The following CACNG6 variants were observed in gnomAD, a reference collection of about 807,000 sequenced individuals.
The protein encoded by CACNG6 is voltage-dependent calcium channel gamma-6 subunit.
A neutral mutation model predicts 23.9 loss-of-function variants in CACNG6; 21 were observed. The ratio of observed to expected loss-of-function variants is 0.88; its 90% CI spans 0.62 to 1.26. The LOEUF is 1.26. Ranked by LOEUF, CACNG6 falls within the 50% of genes most tolerant of loss-of-function variation. The pLI, the probability that CACNG6 is intolerant of heterozygous loss-of-function variation, is 0.00. For synonymous variants in CACNG6, 182 were observed against 168.9 expected (o/e 1.08, Z -0.60); for missense variants, 340 against 352.9 (o/e 0.96, Z 0.29).
intron 3 of CACNG6, among the ~76,000 whole-genome samples, chr19:54,010,751 A>T (rs531216423): frequency 0.011 from 1,593 of 146,224 alleles, 18 homozygotes; most frequent in African/African-American, 0.037. Context: ...ATTTTTTAAA[A>T]TTTTTTTTTT....
At chr19:54,011,449 A>AAAAAC (rs1301097550) in intron 3 of CACNG6, among the ~76,000 whole-genome samples, 5 of 135,786 alleles carry the variant, frequency 3.7e-5, no homozygotes, top group South Asian at 4.7e-4. Flanking sequence ...AAAAAAAAAA[A>AAAAAC]AAAACAAAAC....
chr19:53,993,237 C>CT, intron 1 of CACNG6, 29 bp downstream of exon 1: 1 of 1,519,408 alleles, frequency 6.6e-7, no homozygotes, highest in Non-Finnish European at 8.8e-7. Flanking sequence ...GAGCGCAGGG[C>CT]TTGCGTCCCA....
intron 3 of CACNG6, among the ~76,000 whole-genome samples, chr19:54,006,140 C>G (rs1236663252): frequency 1.1e-5 from 1 of 88,334 alleles, no homozygotes; most frequent in African/African-American, 3.2e-5. Flanking sequence ...AGAAAGAAGA[C>G]TCATTTCTAG....
At chr19:54,004,605 G>C (rs2069618715) in intron 3 of CACNG6, among the ~76,000 whole-genome samples, 1 of 152,050 alleles carries the variant, frequency 6.6e-6, no homozygotes, top group Non-Finnish European at 1.5e-5. Flanking sequence ...GAATAACATG[G>C]TGGCAAGGCC....
chr19:54,008,863 G>A (rs1365475620), intron 3 of CACNG6, among the ~76,000 whole-genome samples: 1 of 152,120 alleles, frequency 6.6e-6, no homozygotes, highest in Non-Finnish European at 1.5e-5. Flanking sequence ...TGTTTATTTT[G>A]GACATTGCAA....
intron 3 of CACNG6, among the ~76,000 whole-genome samples, chr19:54,000,923 G>A (rs753185445): frequency 6.2e-4 from 95 of 152,246 alleles, no homozygotes; most frequent in Non-Finnish European, 1.2e-3. Context: ...AGAGAAGTCA[G>A]ATGAATTACT....
At chr19:53,996,399 C>T (rs538753958) in intron 1 of CACNG6, among the ~76,000 whole-genome samples, 14,550 of 146,620 alleles carry the variant, frequency 0.099, 998 homozygotes, top group African/African-American at 0.19. Flanking sequence ...CTCTCTCTCT[C>T]TTTTTTTTTT....
At chr19:53,997,409 C>T (rs2069531225) in intron 1 of CACNG6, among the ~76,000 whole-genome samples, 1 of 151,898 alleles carries the variant, frequency 6.6e-6, no homozygotes, top group Non-Finnish European at 1.5e-5. Context: ...TAAACATCTG[C>T]ATATATATTC....
At chr19:54,003,944 A>G (rs2069606887) in intron 3 of CACNG6, among the ~76,000 whole-genome samples, 1 of 151,950 alleles carries the variant, frequency 6.6e-6, no homozygotes, top group Non-Finnish European at 1.5e-5. Context: ...TGCAGCCTCA[A>G]CCTCCTGGGC....
intron 1 of CACNG6, among the ~76,000 whole-genome samples, chr19:53,995,230 C>T (rs979333679): frequency 6.6e-6 from 1 of 152,178 alleles, no homozygotes; most frequent in African/African-American, 2.4e-5. Context: ...CATCCCATCT[C>T]ACCGCATTGT....
Position 53,992,282 on chromosome 19 carries a change from G to C in CACNG6, c.-596G>C, listed in dbSNP as rs1431867405. 6.6e-6 allele frequency: 1 copy of C among 152,132 alleles called. No individual in the cohort carries two copies. Among genetic ancestry groups the C allele is most frequent in the African/African-American group, 2.4e-5 (1 of 41,426 alleles). The allele number at this position is 152,132 out of a possible 1,614,324, so 9.4% of individuals were successfully genotyped here. A position where few individuals can be genotyped will look rare whatever the true frequency, so the allele number is the denominator to read the frequency against. On this transcript the variant is annotated 5_prime_UTR_variant, in exon 1 of 4. Transcript: ENST00000252729. This position sits in a 1 kb window ranked among gnomAD's most constrained non-coding sequence, Gnocchi z 4.1. ...AGGTCTTCCTTTTCCGAATCCCAGA[G>C]GGTCCCCAAGTCCTCTGTTCTCAAA... is the stretch of plus-strand genomic sequence containing the variant.
intron 1 of CACNG6, among the ~76,000 whole-genome samples, chr19:53,994,308 C>T (rs2069499136): frequency 6.6e-6 from 1 of 152,182 alleles, no homozygotes; most frequent in Non-Finnish European, 1.5e-5. Flanking sequence ...CACTTCCTGT[C>T]CTCTCGCCTC....
intron 3 of CACNG6, among the ~76,000 whole-genome samples, chr19:54,011,268 C>T (rs755975544): frequency 2.8e-4 from 39 of 141,664 alleles, no homozygotes; most frequent in African/African-American, 9.2e-4. Context: ...GGCGTGGTAG[C>T]GCACGTGTGT....
At chr19:54,002,718 G>T (rs1485226802) in intron 3 of CACNG6, among the ~76,000 whole-genome samples, 1 of 152,152 alleles carries the variant, frequency 6.6e-6, no homozygotes, top group Non-Finnish European at 1.5e-5. Flanking sequence ...AGTGTTTTAT[G>T]AAAGTCTTGA....
intron 3 of CACNG6, 144 bp downstream of exon 3, chr19:53,999,915 G>A: frequency 7.8e-6 from 8 of 1,026,308 alleles, no homozygotes; most frequent in Non-Finnish European, 1.1e-5. Flanking sequence ...CTGGGAGTAG[G>A]GTCTCCACAC....
chr19:53,999,849 G>A, intron 3 of CACNG6, 78 bp downstream of exon 3: 1 of 1,539,010 alleles, frequency 6.5e-7, no homozygotes, highest in Non-Finnish European at 8.8e-7. Flanking sequence ...CTGGGAGATG[G>A]GGTCTCTATG....
chr19:54,012,045 C>T lies in CACNG6; in HGVS notation c.639C>T (p.Leu213=), dbSNP rs1480582162. 6.8e-6 allele frequency: 11 copies of T among 1,607,030 alleles called. No individual in the cohort carries two copies. Among genetic ancestry groups the T allele is most frequent in the Non-Finnish European group, 9.3e-6 (11 of 1,177,402 alleles). ...VSPEPPPAPR[L]TYEYSWSLGC... ...CGGAGCCTCCCCCGGCCCCACGCCTCACCTACGAGTACTCCTGGTCCCTGG... is the reference window on the plus strand; with the variant it reads ...CGGAGCCTCCCCCGGCCCCACGCCTTACCTACGAGTACTCCTGGTCCCTGG... The change falls in exon 4 of 4, where the codon CTC becomes CTT. Residue 213 remains leucine, a synonymous_variant. Transcript: ENST00000252729.
Position 54,012,289 on chromosome 19 carries a change from C to G in CACNG6, c.*100C>G, listed in dbSNP as rs2069727263. ...CCCCATCTCCTAGAGAAACTGTGTT[C>G]TCCCTGCTCGGGGGCCCATGTTTTT... is the stretch of plus-strand genomic sequence containing the variant. On this transcript the variant is annotated 3_prime_UTR_variant, in exon 4 of 4. Coordinates refer to ENST00000252729, the MANE Select transcript of CACNG6 (RefSeq NM_145814.2). 5.6e-6 allele frequency: 3 copies of G among 531,640 alleles called. No individual in the cohort carries two copies. The East Asian group carries it at 9.3e-5, about 16-fold the overall frequency. 32.9% of individuals were successfully genotyped at this position (531,640 alleles called of 1,614,324 possible).
At chr19:53,995,785 C>T (rs1381490863) in intron 1 of CACNG6, among the ~76,000 whole-genome samples, 3 of 152,236 alleles carry the variant, frequency 2.0e-5, no homozygotes, top group Non-Finnish European at 4.4e-5. Context: ...CCTCTGTCTC[C>T]CAAGTAGCTG....
Sources: allele counts gnomAD v4.1 joint callset (sites outside exome capture counted in the v4.1 genomes callset), GRCh38; gene constraint gnomAD v4.1.1; non-coding constraint Gnocchi (gnomAD v3.1); transcripts MANE v1.5; gene names NCBI Gene and HGNC (gene_info 2026-07-23, HGNC 2026-07-21).